CNTNAP2: variants seen among roughly 807,000 people sequenced by gnomAD.
The protein encoded by CNTNAP2 is contactin associated protein 2, also known as contactin-associated protein-like 2.
CNTNAP2 carries 98 observed loss-of-function variants against 155.2 expected under a neutral mutation model. That is an observed-to-expected ratio of 0.63 (90% CI 0.54 to 0.75). The LOEUF is 0.75. Among genes scored for constraint, CNTNAP2 ranks in the 30% least tolerant of loss-of-function variants. CNTNAP2 has a pLI of 0.00. For synonymous variants in CNTNAP2, 651 were observed against 631.2 expected (o/e 1.03, Z -0.47); for missense variants, 1,727 against 1,688.1 (o/e 1.02, Z -0.40).
chr7:147,379,046 C>T (rs1401846452), intron 9 of CNTNAP2, among the ~76,000 whole-genome samples: 1 of 151,916 alleles, frequency 6.6e-6, no homozygotes, highest in Non-Finnish European at 1.5e-5. Context: ...AGGGACTTTC[C>T]CTCACCTTTG....
chr7:146,735,523 C>T (rs1801598787), intron 1 of CNTNAP2, among the ~76,000 whole-genome samples: 1 of 152,100 alleles, frequency 6.6e-6, no homozygotes, highest in Admixed American at 6.6e-5. Context: ...CCACTGCACT[C>T]CAGCCTGGGC....
At chr7:147,969,975 G>A (rs1216543643) in intron 14 of CNTNAP2, among the ~76,000 whole-genome samples, 1 of 151,216 alleles carries the variant, frequency 6.6e-6, no homozygotes, top group African/African-American at 2.4e-5. Context: ...TGTCACCCAG[G>A]CTGGAGTGCG....
At chr7:146,128,696 G>T (rs1176415461) in intron 1 of CNTNAP2, among the ~76,000 whole-genome samples, 2 of 152,062 alleles carry the variant, frequency 1.3e-5, no homozygotes, top group African/African-American at 4.8e-5. Flanking sequence ...AATTGAAAAT[G>T]GAATTGAAAT....
At chr7:146,182,397 A>C (rs6947847) in intron 1 of CNTNAP2, among the ~76,000 whole-genome samples, 1 of 151,934 alleles carries the variant, frequency 6.6e-6, no homozygotes, top group East Asian at 1.9e-4. Context: ...TATTATCTGT[A>C]CATATTTTCA....
intron 15 of CNTNAP2, among the ~76,000 whole-genome samples, chr7:148,070,006 G>GT (rs1449656904): frequency 6.6e-6 from 1 of 152,136 alleles, no homozygotes; most frequent in Non-Finnish European, 1.5e-5. Context: ...ATCATCTCCA[G>GT]TTTATGGATA....
rs978046152 is a variant in CNTNAP2 at position 147,929,331 on chromosome 7, A to G, written c.2255+25610A>G. On this transcript the variant is annotated intron_variant, in intron 14 of 23. Transcript: ENST00000361727. ...ATTGGACACTATAGGGACAGCATGT[A>G]ACATGGAGGTGAGGAGAAGGACTCC... 6.8e-4 allele frequency among the ~76,000 whole-genome samples: 103 copies of G among 152,142 alleles called. 6 individuals carry two copies. The highest frequency in any genetic ancestry group is 2.9e-5 in the Non-Finnish European group (2 of 68,026).
chr7:147,431,497 C>T (rs1797465703), intron 10 of CNTNAP2, among the ~76,000 whole-genome samples: 1 of 152,162 alleles, frequency 6.6e-6, no homozygotes, highest in Non-Finnish European at 1.5e-5. Context: ...GCCCCTACAA[C>T]CTCTGCTTCT....
intron 12 of CNTNAP2, among the ~76,000 whole-genome samples, chr7:147,629,237 A>C (rs1358146416): frequency 6.6e-6 from 1 of 151,964 alleles, no homozygotes; most frequent in African/African-American, 2.4e-5. Context: ...CCCTGTCTTT[A>C]CTAAAAATGC....
intron 3 of CNTNAP2, among the ~76,000 whole-genome samples, chr7:146,975,044 TTAA>T (rs1797882077): frequency 6.6e-6 from 1 of 152,146 alleles, no homozygotes; most frequent in African/African-American, 2.4e-5. Flanking sequence ...TTCTATTAAT[TTAA>T]TATTTTCGCA....
chr7:147,603,348 G>A (rs1800994120), intron 12 of CNTNAP2, among the ~76,000 whole-genome samples: 2 of 151,926 alleles, frequency 1.3e-5, no homozygotes, highest in Non-Finnish European at 2.9e-5. Flanking sequence ...TTTTTTTCTT[G>A]TAAATTTGTT....
At chr7:146,468,039 G>C (rs1430500256) in intron 1 of CNTNAP2, among the ~76,000 whole-genome samples, 1 of 152,030 alleles carries the variant, frequency 6.6e-6, no homozygotes, top group Non-Finnish European at 1.5e-5. Flanking sequence ...AAAGAAAAAA[G>C]GTAACTAGAG....
intron 1 of CNTNAP2, among the ~76,000 whole-genome samples, chr7:146,144,432 G>A (rs1009988365): frequency 1.3e-5 from 2 of 152,160 alleles, no homozygotes; most frequent in African/African-American, 4.8e-5. Flanking sequence ...GATTATAGAT[G>A]TGAGCTACTG....
chr7:146,560,367 A>G (rs1798261574), intron 1 of CNTNAP2, among the ~76,000 whole-genome samples: 1 of 152,074 alleles, frequency 6.6e-6, no homozygotes, highest in Non-Finnish European at 1.5e-5. Context: ...ATATGTTTAT[A>G]TACATATATA....
chr7:147,800,355 G>A (rs1346496614), intron 13 of CNTNAP2, among the ~76,000 whole-genome samples: 2 of 152,000 alleles, frequency 1.3e-5, no homozygotes, highest in Non-Finnish European at 2.9e-5. Context: ...CAACTGCAAG[G>A]AGGAAATGAG....
rs140737032 is a variant in CNTNAP2, at chr7:148,124,325, T to G, written c.2554+6037T>G. On this transcript the variant is annotated intron_variant, in intron 16 of 23. Coordinates refer to ENST00000361727, the MANE Select transcript of CNTNAP2 (RefSeq NM_014141.6). ...GCAAAGAAATATTGTTCAAAAAAAA[T>G]TTATGGAGCAGATATCAGAAAACCC... Among the ~76,000 whole-genome samples, 168 of 152,294 alleles carry G rather than the reference T, an allele frequency of 1.1e-3. 1 individual carries two copies. Among genetic ancestry groups the G allele is most frequent in the African/African-American group, 3.8e-3 (160 of 41,584 alleles).
At chr7:147,793,299 C>G (rs1297965850) in intron 13 of CNTNAP2, among the ~76,000 whole-genome samples, 1 of 152,036 alleles carries the variant, frequency 6.6e-6, no homozygotes, top group Non-Finnish European at 1.5e-5. Flanking sequence ...ATGTTTTCAT[C>G]TAAGAATTTA....
chr7:147,083,380 T>C (rs1800180365), intron 4 of CNTNAP2, among the ~76,000 whole-genome samples: 1 of 151,904 alleles, frequency 6.6e-6, no homozygotes, highest in Non-Finnish European at 1.5e-5. Flanking sequence ...ATTTTGCTTC[T>C]AGTGATTTGG....
intron 8 of CNTNAP2, among the ~76,000 whole-genome samples, chr7:147,185,916 T>A (rs1326835610): frequency 6.6e-6 from 1 of 152,148 alleles, no homozygotes; most frequent in Admixed American, 6.5e-5. Context: ...AACTCTTTGT[T>A]TTTGTCTGCT....
intron 1 of CNTNAP2, among the ~76,000 whole-genome samples, chr7:146,342,552 A>G (rs1794747452): frequency 1.3e-5 from 2 of 152,196 alleles, no homozygotes; most frequent in South Asian, 2.1e-4. Context: ...ATAAAAATCT[A>G]TCACTAATTA....
Sources: allele counts gnomAD v4.1 joint callset (sites outside exome capture counted in the v4.1 genomes callset), GRCh38; gene constraint gnomAD v4.1.1; transcripts MANE v1.5; gene names NCBI Gene and HGNC (gene_info 2026-07-23, HGNC 2026-07-21).